Variants in ARHGAP45 observed in about 807,000 individuals in gnomAD.
The protein encoded by ARHGAP45 is rho GTPase-activating protein 45.
A neutral mutation model predicts 116.1 loss-of-function variants in ARHGAP45; 56 were observed. The observed-to-expected ratio is 0.48, with a 90% confidence interval of 0.39 to 0.60. ARHGAP45 has a LOEUF of 0.60. ARHGAP45 is among the 20% of genes least tolerant of loss of function. The pLI is 0.00. For missense variants in ARHGAP45, 1,622 were observed against 1,601.0 expected (o/e 1.01, Z -0.22); for synonymous variants, 866 against 701.7 (o/e 1.23, Z -3.70).
chr19:1,079,753 G>A lies in ARHGAP45; in HGVS notation c.1425G>A (p.Thr475=). 2 of 1,612,574 alleles carry A rather than the reference G, an allele frequency of 1.2e-6. No individual in the cohort carries two copies. The highest frequency in any genetic ancestry group is 1.7e-6 in the Non-Finnish European group (2 of 1,179,706). Residue 475 remains threonine, a synonymous_variant, in exon 12 of 23, where the codon ACG becomes ACA. Transcript: ENST00000313093. ...TYRTCVADAK[T]QKQELEDTKV... is the part of the protein sequence containing the mutation. ...GCACCTGCGTGGCCGACGCGAAGAC[G>A]CAGAAGCAGGAGCTGGAGGATACCA...
chr19:1,079,163 G>C (rs1206802072), intron 11 of ARHGAP45, among the ~76,000 whole-genome samples: 2 of 141,566 alleles, frequency 1.4e-5, no homozygotes, highest in South Asian at 2.3e-4. Context: ...CTGGGCGACA[G>C]AACGAGACTC....
intron 2 of ARHGAP45, among the ~76,000 whole-genome samples, 158 bp from the exon 3 acceptor site, chr19:1,072,991 C>T (rs1484259106): frequency 6.6e-6 from 1 of 152,186 alleles, no homozygotes; most frequent in Non-Finnish European, 1.5e-5. Context: ...GGACAGTGCC[C>T]TCCCCGCGGT....
At chr19:1,066,264 A>G, upstream of ARHGAP45, 2 of 580,650 alleles carry the variant, frequency 3.4e-6, no homozygotes, top group South Asian at 2.4e-5. Flanking sequence ...GAGGGGGGAG[A>G]GAGTTCACAC....
At chr19:1,066,392 C>A, upstream of ARHGAP45, 1 of 565,292 alleles carries the variant, frequency 1.8e-6, no homozygotes, top group Non-Finnish European at 3.2e-6. Context: ...CGTCCTGCTG[C>A]CCAGCACGTC....
In ARHGAP45 at chr19:1,081,732, C is replaced by T. The variant is rs940178963; in HGVS notation, c.2373C>T (p.Arg791=). 25 of 1,566,768 alleles carry T rather than the reference C, an allele frequency of 1.6e-5. No individual in the cohort carries two copies. Among genetic ancestry groups the T allele is most frequent in the Non-Finnish European group, 2.0e-5 (23 of 1,155,654 alleles). The change falls in exon 18 of 23, where the codon CGC becomes CGT. Residue 791 remains arginine (R), a synonymous_variant. Transcript: ENST00000313093. ...CVCEIERRAL[R]TKGIYRVNGV... is the part of the protein sequence containing the mutation. ...GCGAGATCGAGCGGCGGGCGCTGCG[C>T]ACCAAGGTGAGGCGGGGGAGGAAGC... is the stretch of plus-strand genomic sequence containing the variant.
At chr19:1,085,586 C>G (rs751334328) in intron 22 of ARHGAP45, 74 bp from the exon 23 acceptor site, 1 of 1,138,894 alleles carries the variant, frequency 8.8e-7, no homozygotes, top group African/African-American at 1.6e-5. Flanking sequence ...CCCATCTCTC[C>G]TGTCTGTCCC....
chr19:1,068,193 T>TTGGGCAAGGAC lies in ARHGAP45; in HGVS notation c.91-220_91-210dup. 1 of 531,310 alleles carries TTGGGCAAGGAC rather than the reference T, an allele frequency of 1.9e-6. No individual in the cohort carries two copies. The highest frequency in any genetic ancestry group is 3.3e-6 in the Non-Finnish European group (1 of 307,548). 32.9% of individuals were successfully genotyped at this position (531,310 alleles called of 1,614,324 possible). On this transcript the variant is annotated intron_variant, in intron 1 of 22. Coordinates refer to ENST00000313093, the MANE Select transcript of ARHGAP45 (RefSeq NM_012292.5). This position sits in a 1 kb window ranked among gnomAD's most constrained non-coding sequence, Gnocchi z 7.5. ...CCGCAGGCCCCGCCCCGGCTGTGGT[T>TTGGGCAAGGAC]TGGGCAAGGACCGTTGTTTGTGAAA...
In ARHGAP45 at chr19:1,083,260, G is replaced by A; in HGVS notation, c.2862G>A (p.Val954=). 6.2e-7 allele frequency: 1 copy of A among 1,602,368 alleles called. No homozygotes were observed. Among genetic ancestry groups the A allele is most frequent in the Non-Finnish European group, 8.5e-7 (1 of 1,174,664 alleles). Residue 954 remains valine (V), a synonymous_variant, in exon 21 of 23, where the codon GTG becomes GTA. Transcript: ENST00000313093. ...CCACCGTGTCCCTCTCCTCCCTGGT[G>A]GATTATCCCCATCAGGCCCGCGTCA... ...TEATVSLSSL[V]DYPHQARVIE... is the part of the protein sequence containing the mutation.
In ARHGAP45 at chr19:1,081,705, C is replaced by G; in HGVS notation, c.2346C>G (p.Val782=). 1 of 1,587,478 alleles carries G rather than the reference C, an allele frequency of 6.3e-7. No homozygotes were observed. Residue 782 remains valine (V), a synonymous_variant, in exon 18 of 23, where the codon GTC becomes GTG. Transcript: ENST00000313093. ...DGVPFIVKKC[V]CEIERRALRT... ...TGCCCTTCATCGTCAAGAAGTGCGTCTGCGAGATCGAGCGGCGGGCGCTGC... is the reference window on the plus strand; with the variant it reads ...TGCCCTTCATCGTCAAGAAGTGCGTGTGCGAGATCGAGCGGCGGGCGCTGC...
chr19:1,067,155 A>T, upstream of ARHGAP45: 1 of 1,194,006 alleles, frequency 8.4e-7, no homozygotes, highest in Non-Finnish European at 1.0e-6. Context: ...CTGCGACCTC[A>T]CCTTCGCGCC....
chr19:1,081,301 T>A, intron 17 of ARHGAP45: 1 of 638,716 alleles, frequency 1.6e-6, no homozygotes, highest in Non-Finnish European at 2.6e-6. Flanking sequence ...CCTGGGGCTG[T>A]GGCCAGAAGA....
Position 1,074,018 on chromosome 19 carries a change from A to T in ARHGAP45, c.790+4A>T. On this transcript the variant is annotated splice_donor_region_variant and intron_variant, in intron 6 of 22. Coordinates refer to ENST00000313093, the MANE Select transcript of ARHGAP45 (RefSeq NM_012292.5). ...AGCCTGGAAGACTGTGACGCCGGTA[A>T]GCCCCCACCCAGCGGCAGGCAGGCA... is the stretch of plus-strand genomic sequence containing the variant. 3 of 1,597,418 alleles carry T rather than the reference A, an allele frequency of 1.9e-6. No homozygotes were observed. The highest frequency in any genetic ancestry group is 2.6e-6 in the Non-Finnish European group (3 of 1,172,772).
intron 1 of ARHGAP45, 59 bp downstream of exon 1, chr19:1,067,554 C>A: frequency 6.9e-7 from 1 of 1,449,166 alleles, no homozygotes; most frequent in Middle Eastern, 1.8e-4. Context: ...GACAGGGACC[C>A]GCCCTGTGCT....
At position 1,067,495 on chromosome 19, in the gene ARHGAP45, G is replaced by T. The variant is rs1369960372; in HGVS notation, c.90G>T (p.Gly30=). The change falls in exon 1 of 23, where the codon GGG becomes GGT. Residue 30 remains glycine, a splice_region_variant and synonymous_variant. Coordinates refer to ENST00000313093, the MANE Select transcript of ARHGAP45 (RefSeq NM_012292.5). ...RAGSPSPQPS[G]ELPRKDGADA... ...GAAGCCCCAGCCCGCAGCCCTCGGGGGTGAGTGGAGCCCGGGTGAGACCCG... is the reference window on the plus strand; with the variant it reads ...GAAGCCCCAGCCCGCAGCCCTCGGGTGTGAGTGGAGCCCGGGTGAGACCCG... 1 of 1,596,718 alleles carries T rather than the reference G, an allele frequency of 6.3e-7. No individual in the cohort carries two copies. The highest frequency in any genetic ancestry group is 8.5e-7 in the Non-Finnish European group (1 of 1,172,536).
chr19:1,079,903 C>T (rs745613258), intron 12 of ARHGAP45, 25 bp from the exon 13 acceptor site: 31 of 1,600,026 alleles, frequency 1.9e-5, no homozygotes, highest in Non-Finnish European at 2.5e-5. Context: ...CTCCTGACCC[C>T]TCCGCTCTCC....
At chr19:1,074,279 AG>A (rs2145032684) in intron 7 of ARHGAP45, 38 bp downstream of exon 7, 1 of 1,611,902 alleles carries the variant, frequency 6.2e-7, no homozygotes, top group East Asian at 2.2e-5. Context: ...GTCTGGAGGG[AG>A]GGGGTTCTGG....
Position 1,067,928 on chromosome 19 carries a change from C to CAA in ARHGAP45, c.90+433_90+434insAA, listed in dbSNP as rs2043069019. ...ACCAGGTTCAGAGGTTGGGGAGTGT[C>CAA]CCCAGGCCTGGGGTGTCTACAAAGC... On this transcript the variant is annotated intron_variant, in intron 1 of 22. Transcript: ENST00000313093. Among the ~76,000 whole-genome samples, 3 of 129,550 alleles carry CAA rather than the reference C, an allele frequency of 2.3e-5. No homozygotes were observed. In the South Asian group the frequency reaches 7.2e-4, roughly 31 times the overall value. 85.0% of individuals were successfully genotyped at this position (129,550 alleles called of 152,430 possible).
Position 1,077,583 on chromosome 19 carries a change from A to G in ARHGAP45, c.1186-274A>G, listed in dbSNP as rs538308779. On this transcript the variant is annotated intron_variant, in intron 10 of 22. Coordinates refer to ENST00000313093, the MANE Select transcript of ARHGAP45 (RefSeq NM_012292.5). ...AAATTTTGGGTAGATACGGGGTTTCACTATGTTGGCCAGGCTGGTCTCAAA... is the reference window on the plus strand; with the variant it reads ...AAATTTTGGGTAGATACGGGGTTTCGCTATGTTGGCCAGGCTGGTCTCAAA... 429 of 1,244,758 alleles carry G rather than the reference A, an allele frequency of 3.4e-4. 3 individuals are homozygous for G. The African/African-American group carries it at 6.0e-3, about 17-fold the overall frequency. 77.1% of individuals were successfully genotyped at this position (1,244,758 alleles called of 1,614,324 possible). A position where few individuals can be genotyped will look rare whatever the true frequency, so the allele number is the denominator to read the frequency against.
chr19:1,070,809 G>A (rs891849148), intron 2 of ARHGAP45, among the ~76,000 whole-genome samples: 1 of 152,164 alleles, frequency 6.6e-6, no homozygotes, highest in Admixed American at 6.5e-5. Context: ...GCGTCTCGGG[G>A]CCGCCCCAGG....
Sources: allele counts gnomAD v4.1 joint callset (sites outside exome capture counted in the v4.1 genomes callset), GRCh38; gene constraint gnomAD v4.1.1; non-coding constraint Gnocchi (gnomAD v3.1); transcripts MANE v1.5; gene names NCBI Gene and HGNC (gene_info 2026-07-23, HGNC 2026-07-21).